Variants in TSPAN16 observed in about 807,000 individuals in gnomAD.
The protein encoded by TSPAN16 is tetraspanin 16.
TSPAN16 carries 23 observed loss-of-function variants against 25.2 expected under a neutral mutation model. That is an observed-to-expected ratio of 0.91 (90% CI 0.66 to 1.29). The LOEUF is 1.29. TSPAN16 is among the 50% of genes most tolerant of loss of function. The pLI, the probability that TSPAN16 is intolerant of heterozygous loss-of-function variation, is 0.00. For missense variants in TSPAN16, 272 were observed against 299.9 expected, an observed-to-expected ratio of 0.91 and a Z score of 0.69; for synonymous variants, 123 against 124.4, an observed-to-expected ratio of 0.99 and a Z score of 0.08.
chr19:11,296,289 C>T lies in TSPAN16; in HGVS notation c.-9C>T, dbSNP rs376108850. ...ACTTAAATGTTCAGGGTGCCCCAGT[C>T]TGTTCAGCATGGCTGAAATCCACAC... On this transcript the variant is annotated 5_prime_UTR_variant, in exon 1 of 7. Transcript: ENST00000590327. The T allele has an allele frequency of 3.0e-5, 48 of 1,613,586 alleles. No homozygotes were observed. The highest frequency in any genetic ancestry group is 1.6e-4 in the Middle Eastern group (1 of 6,082).
At chr19:11,318,685 C>T (rs550682375), downstream of TSPAN16, among the ~76,000 whole-genome samples, 3 of 151,674 alleles carry the variant, frequency 2.0e-5, no homozygotes, top group Middle Eastern at 3.4e-3. Context: ...CTTGCTCTGT[C>T]GCCCAAGCTG....
chr19:11,318,364 G>C (rs1477114710), downstream of TSPAN16, among the ~76,000 whole-genome samples: 1 of 151,980 alleles, frequency 6.6e-6, no homozygotes, highest in Admixed American at 6.6e-5. Context: ...GTTTCACTTT[G>C]TTAGCCAGGA....
chr19:11,306,793 C>T lies in TSPAN16; in HGVS notation c.603+37C>T, dbSNP rs201610826. ...TTTTGTGTGTTGCCTTGACAGACCC[C>T]TGAGGGCTGGTGACTTCATTTTTAT... is the stretch of plus-strand genomic sequence containing the variant. On this transcript the variant is annotated intron_variant, in intron 5 of 6. Coordinates refer to ENST00000590327, the MANE Select transcript of TSPAN16 (RefSeq NM_001282509.2). 323 of 1,583,082 alleles carry T rather than the reference C, an allele frequency of 2.0e-4. 1 individual carries two copies. The highest frequency in any genetic ancestry group is 2.5e-4 in the Non-Finnish European group (285 of 1,161,156).
intron 4 of TSPAN16, among the ~76,000 whole-genome samples, chr19:11,303,450 A>G (rs2080588890): frequency 7.0e-6 from 1 of 142,940 alleles, no homozygotes; most frequent in Non-Finnish European, 1.5e-5. Context: ...GCCTAGGAAA[A>G]CCAGAGACCT....
rs181944774 is a variant in TSPAN16 at position 11,304,726 on chromosome 19, A to G, written c.451-1878A>G. ...TTTTTAGTAGAAACGGGGTTTCACC[A>G]TGTTAGCCAGGATGATCTTGATCTC... On this transcript the variant is annotated intron_variant, in intron 4 of 6. Coordinates refer to ENST00000590327, the MANE Select transcript of TSPAN16 (RefSeq NM_001282509.2). Among the ~76,000 whole-genome samples the G allele has an allele frequency of 8.7e-3, 1,316 of 150,560 alleles. 11 individuals carry two copies. The highest frequency in any genetic ancestry group is 0.03 in the African/African-American group (1,205 of 40,064).
At chr19:11,324,811 A>G (rs1401467434) in intron 6 of TSPAN16, 1 of 152,538 alleles carries the variant, frequency 6.6e-6, no homozygotes, top group Admixed American at 6.6e-5. Flanking sequence ...AGGCTGCTTC[A>G]ATGCTGCTTT....
downstream of TSPAN16, among the ~76,000 whole-genome samples, chr19:11,316,565 T>C (rs1326424111): frequency 3.9e-5 from 6 of 152,184 alleles, no homozygotes; most frequent in Non-Finnish European, 7.3e-5. Flanking sequence ...CTTGATAAAG[T>C]ATTTTTTCTT....
At chr19:11,303,115 G>T (rs911540955) in intron 4 of TSPAN16, among the ~76,000 whole-genome samples, 4 of 149,990 alleles carry the variant, frequency 2.7e-5, no homozygotes, top group African/African-American at 1.0e-4. Context: ...GGAATAGAAA[G>T]GGGGGAAAGG....
downstream of TSPAN16, among the ~76,000 whole-genome samples, chr19:11,317,710 G>A (rs373022092): frequency 3.3e-5 from 5 of 151,356 alleles, no homozygotes; most frequent in African/African-American, 1.2e-4. Context: ...GGCCAGGATT[G>A]TCTCGAACTC....
intron 6 of TSPAN16, chr19:11,321,378 A>C (rs2080778624): frequency 6.6e-6 from 1 of 152,188 alleles, no homozygotes; most frequent in East Asian, 1.9e-4. Flanking sequence ...GTGAGAACTC[A>C]CTTGCTATCA....
intron 1 of TSPAN16, among the ~76,000 whole-genome samples, chr19:11,296,761 G>A (rs116785477): frequency 7.9e-5 from 12 of 152,314 alleles, no homozygotes; most frequent in East Asian, 1.9e-4. Context: ...TTGTCAGGCC[G>A]GGGGCGCTGG....
At chr19:11,305,865 A>G (rs1229336247) in intron 4 of TSPAN16, among the ~76,000 whole-genome samples, 1 of 152,222 alleles carries the variant, frequency 6.6e-6, no homozygotes, top group African/African-American at 2.4e-5. Context: ...TGACATGTGA[A>G]TGAAGAGATG....
At chr19:11,320,725 G>A (rs538270939), downstream of TSPAN16, among the ~76,000 whole-genome samples, 53 of 152,048 alleles carry the variant, frequency 3.5e-4, 1 homozygote, top group South Asian at 5.4e-3. Context: ...TGCTGGGGAG[G>A]GAGATTGCAG....
intron 4 of TSPAN16, among the ~76,000 whole-genome samples, chr19:11,306,245 A>C (rs2080625155): frequency 6.6e-6 from 1 of 151,888 alleles, no homozygotes; most frequent in African/African-American, 2.4e-5. Flanking sequence ...CCAGGGTGGA[A>C]TGTAGTGGTG....
At chr19:11,325,249 T>C (rs1017080367) in intron 6 of TSPAN16, 1 of 598,180 alleles carries the variant, frequency 1.7e-6, no homozygotes. Flanking sequence ...ACGGCGACAT[T>C]GTGAAGGAAT....
At chr19:11,310,501 G>A (rs2080678811) in intron 5 of TSPAN16, among the ~76,000 whole-genome samples, 1 of 137,896 alleles carries the variant, frequency 7.3e-6, no homozygotes, top group South Asian at 2.4e-4. Context: ...GGCAATAAGA[G>A]CCAAATTCCG....
chr19:11,307,290 T>G (rs2080640100), intron 5 of TSPAN16, among the ~76,000 whole-genome samples: 1 of 149,492 alleles, frequency 6.7e-6, no homozygotes, highest in Non-Finnish European at 1.5e-5. Flanking sequence ...CGGCTGATTT[T>G]TGTATTTTTA....
At chr19:11,304,558 TC>T (rs1440355451) in intron 4 of TSPAN16, among the ~76,000 whole-genome samples, 3 of 151,250 alleles carry the variant, frequency 2.0e-5, no homozygotes, top group Non-Finnish European at 4.4e-5. Flanking sequence ...GGAGTCTCGC[TC>T]TGTTGCCCAG....
chr19:11,310,823 T>A (rs963103749), intron 5 of TSPAN16, among the ~76,000 whole-genome samples: 3 of 151,818 alleles, frequency 2.0e-5, no homozygotes, highest in Non-Finnish European at 4.4e-5. Flanking sequence ...TCATGTAGAT[T>A]CATTCTTTTA....
Sources: allele counts gnomAD v4.1 joint callset (sites outside exome capture counted in the v4.1 genomes callset), GRCh38; gene constraint gnomAD v4.1.1; transcripts MANE v1.5; gene names NCBI Gene and HGNC (gene_info 2026-07-23, HGNC 2026-07-21).